CLIC2: variants seen among roughly 807,000 people sequenced by gnomAD.
CLIC2 encodes chloride intracellular channel protein 2.
In CLIC2, 9 loss-of-function variants were observed where a neutral mutation model predicts 14.8. The ratio of observed to expected loss-of-function variants is 0.61; its 90% confidence interval spans 0.37 to 1.06. CLIC2 has a LOEUF of 1.06. CLIC2 is among the 50% of genes least tolerant of loss of function. The pLI is 0.01. For synonymous variants in CLIC2, 61 were observed against 66.3 expected, an observed-to-expected ratio of 0.92 and a Z score of 0.39; for missense variants, 148 against 181.4, an observed-to-expected ratio of 0.82 and a Z score of 1.06.
chrX:155,313,025 C>T (rs1023424987), intron 1 of CLIC2, among the ~76,000 whole-genome samples: 4 of 110,397 alleles, frequency 3.6e-5, no homozygotes, highest in South Asian at 3.9e-4. Context: ...CACCATCTCA[C>T]GCAGTCAGAA....
chrX:155,291,183 T>C, intron 3 of CLIC2: 1 of 994,965 alleles, frequency 1.0e-6, no homozygotes, highest in Non-Finnish European at 1.4e-6. Context: ...ATAGCACAGT[T>C]GTTTGTCCTC....
chrX:155,283,545 A>G (rs2074927649), intron 3 of CLIC2, among the ~76,000 whole-genome samples: 1 of 111,113 alleles, frequency 9.0e-6, no homozygotes, highest in South Asian at 3.8e-4. Flanking sequence ...TATATCTCCT[A>G]ATGCTATCCC....
chrX:155,292,044 G>A (rs1253999025), intron 3 of CLIC2: 8 of 543,102 alleles, frequency 1.5e-5, no homozygotes, highest in African/African-American at 4.5e-5. Flanking sequence ...AAAAAGAGGC[G>A]AATGGGCTCA....
In CLIC2 at chrX:155,334,436, T is replaced by C. The variant is rs1557323113; in HGVS notation, c.-9A>G. 2 of 1,197,473 alleles carry C rather than the reference T, an allele frequency of 1.7e-6. No individual in the cohort carries two copies. The highest frequency in any genetic ancestry group is 2.3e-6 in the Non-Finnish European group (2 of 883,756). ...GGCCGCAGGCCTGACATCTTTGTCT[T>C]TACTGCCAGTTGTCAGCCTCCTGCC... On this transcript the variant is annotated 5_prime_UTR_variant, in exon 1 of 6. Transcript: ENST00000369449.
intron 3 of CLIC2, among the ~76,000 whole-genome samples, chrX:155,298,397 C>T (rs1480160657): frequency 9.0e-6 from 1 of 111,581 alleles, no homozygotes; most frequent in Non-Finnish European, 1.9e-5. Context: ...AGTCTATGTC[C>T]TGGCCACTAG....
chrX:155,321,542 C>T (rs1023754162), intron 1 of CLIC2, among the ~76,000 whole-genome samples: 10 of 112,536 alleles, frequency 8.9e-5, no homozygotes, highest in Admixed American at 2.8e-4. Context: ...CCAGGCCTGC[C>T]TTTCAAGAGC....
At chrX:155,314,378 A>T (rs1350568209) in intron 1 of CLIC2, among the ~76,000 whole-genome samples, 2 of 112,525 alleles carry the variant, frequency 1.8e-5, no homozygotes, top group Non-Finnish European at 3.8e-5. Flanking sequence ...ATCCATGGCC[A>T]AAAGACATGA....
chrX:155,291,678 G>A (rs1044139362), intron 3 of CLIC2, among the ~76,000 whole-genome samples: 2 of 111,708 alleles, frequency 1.8e-5, no homozygotes, highest in Non-Finnish European at 3.8e-5. Context: ...ATGATTCACA[G>A]GAGAACAAAA....
At chrX:155,314,802 C>T (rs890825242) in intron 1 of CLIC2, among the ~76,000 whole-genome samples, 3 of 111,404 alleles carry the variant, frequency 2.7e-5, no homozygotes, top group Non-Finnish European at 5.6e-5. Context: ...GAAAGGTGAA[C>T]TCCAACTTAA....
intron 3 of CLIC2, chrX:155,292,372 A>G: frequency 1.8e-6 from 1 of 561,660 alleles, no homozygotes. Context: ...CCAGCCAAAC[A>G]TGCTGAGTAT....
intron 1 of CLIC2, among the ~76,000 whole-genome samples, chrX:155,324,145 C>T (rs1479081681): frequency 1.8e-5 from 2 of 112,128 alleles, no homozygotes; most frequent in East Asian, 5.5e-4. Flanking sequence ...GCTACAATTG[C>T]CTTTCTTCAC....
Position 155,293,373 on chromosome X carries a change from T to G in CLIC2, c.293+5412A>C, listed in dbSNP as rs1417128627. ...AGGAGTCCAACAAGAAAGGAAAGGC[T>G]GAATCACTTATACACTGCTCCCAGT... On this transcript the variant is annotated intron_variant, in intron 3 of 5. Transcript: ENST00000369449. 7 of 1,049,719 alleles carry G rather than the reference T, an allele frequency of 6.7e-6. No homozygotes were observed. The African/African-American group carries it at 1.1e-4, about 17-fold the overall frequency. 86.5% of individuals were successfully genotyped at this position (1,049,719 alleles called of 1,213,427 possible).
intron 1 of CLIC2, among the ~76,000 whole-genome samples, chrX:155,304,457 T>C (rs1602946893): frequency 2.4e-5 from 2 of 84,016 alleles, no homozygotes; most frequent in South Asian, 1.4e-3. Context: ...CTTCTCTGTA[T>C]TGGTTATTCT....
intron 3 of CLIC2, chrX:155,290,254 A>G (rs1359730291): frequency 1.1e-5 from 2 of 175,886 alleles, no homozygotes; most frequent in Non-Finnish European, 1.1e-5. Context: ...AAAAAGTACA[A>G]TTTTTTCCCT....
chrX:155,282,605 C>T (rs151169228), intron 3 of CLIC2, among the ~76,000 whole-genome samples: 1 of 111,107 alleles, frequency 9.0e-6, no homozygotes, highest in African/African-American at 3.3e-5. Context: ...CCAGTAGCCC[C>T]AGACTCCAGA....
intron 3 of CLIC2, among the ~76,000 whole-genome samples, chrX:155,294,568 AC>A (rs1305284159): frequency 8.9e-6 from 1 of 112,226 alleles, no homozygotes; most frequent in Non-Finnish European, 1.9e-5. Context: ...TAAATGAAAT[AC>A]AGACTAAAAA....
chrX:155,297,367 A>G (rs782378388), intron 3 of CLIC2, among the ~76,000 whole-genome samples: 1 of 110,920 alleles, frequency 9.0e-6, no homozygotes, highest in Non-Finnish European at 1.9e-5. Context: ...ACACACATAA[A>G]TAAGATAGAA....
intron 1 of CLIC2, among the ~76,000 whole-genome samples, chrX:155,333,504 A>G (rs1175221000): frequency 9.0e-6 from 1 of 110,726 alleles, no homozygotes; most frequent in African/African-American, 3.3e-5. Context: ...CAGGCACAAT[A>G]TGAGTTTGTT....
At chrX:155,278,525 AC>A (rs1283898490) in intron 5 of CLIC2, among the ~76,000 whole-genome samples, 5 of 112,685 alleles carry the variant, frequency 4.4e-5, no homozygotes, top group Non-Finnish European at 9.4e-5. Flanking sequence ...TGATCTAGGC[AC>A]TGTTCTAAGC....
Sources: gnomAD v4.1 joint callset for allele counts (sites outside exome capture counted in the v4.1 genomes callset) on GRCh38, gnomAD v4.1.1 for gene constraint, MANE v1.5 for transcripts, NCBI Gene and HGNC (gene_info 2026-07-23, HGNC 2026-07-21) for gene names.